Variants in TJP1 observed in about 807,000 individuals in gnomAD.
TJP1 encodes tight junction protein 1.
In TJP1, 43 loss-of-function variants were observed where a neutral mutation model predicts 194.2. That is an observed-to-expected ratio of 0.22 (90% confidence interval 0.17 to 0.29). The LOEUF (loss-of-function observed/expected upper bound fraction) is 0.29. Ranked by LOEUF, TJP1 falls within the 10% of genes least tolerant of loss-of-function variation. TJP1 has a pLI of 1.00. For missense variants in TJP1, 1,971 were observed against 2,185.7 expected, an observed-to-expected ratio of 0.90 and a Z score of 1.96; for synonymous variants, 801 against 779.0, an observed-to-expected ratio of 1.03 and a Z score of -0.47.
chr15:29,937,675 C>T (rs1457200013), intron 2 of TJP1, among the ~76,000 whole-genome samples: 5 of 152,136 alleles, frequency 3.3e-5, no homozygotes, highest in East Asian at 1.9e-4. Flanking sequence ...CATGCAGAGT[C>T]GTACTTCACA....
intron 1 of TJP1, among the ~76,000 whole-genome samples, chr15:29,967,500 G>T (rs2056373885): frequency 6.6e-6 from 1 of 152,160 alleles, no homozygotes; most frequent in Non-Finnish European, 1.5e-5. Context: ...CCCCATGAGG[G>T]AGATAACAAG....
intron 10 of TJP1, among the ~76,000 whole-genome samples, chr15:29,740,868 T>C (rs1305252130): frequency 4.6e-5 from 7 of 152,070 alleles, no homozygotes; most frequent in Non-Finnish European, 1.0e-4. Flanking sequence ...ATAATTCTAA[T>C]TGTCACAACT....
chr15:29,926,071 C>G (rs1018960073), intron 2 of TJP1, among the ~76,000 whole-genome samples: 8 of 152,146 alleles, frequency 5.3e-5, no homozygotes, highest in African/African-American at 1.7e-4. Context: ...ACCCACACTC[C>G]CCCCAGTGGA....
intron 2 of TJP1, among the ~76,000 whole-genome samples, chr15:29,946,723 T>A (rs1386846373): frequency 6.6e-6 from 1 of 152,192 alleles, no homozygotes; most frequent in Non-Finnish European, 1.5e-5. Flanking sequence ...CTTAATCATA[T>A]CTATTCATTC....
chr15:29,700,015 A>G (rs117015824), downstream of TJP1: 187 of 325,220 alleles, frequency 5.7e-4, 1 homozygote, highest in East Asian at 7.1e-3. Context: ...GGCCAAGGGG[A>G]GAAATTCTGC....
At chr15:29,712,509 A>G (rs1356271068) in intron 23 of TJP1, among the ~76,000 whole-genome samples, 2 of 152,242 alleles carry the variant, frequency 1.3e-5, no homozygotes, top group Non-Finnish European at 2.9e-5. Context: ...TCATTTAAAA[A>G]TATCAACCAA....
At chr15:29,870,439 C>A (rs902070802) in intron 2 of TJP1, among the ~76,000 whole-genome samples, 1 of 152,096 alleles carries the variant, frequency 6.6e-6, no homozygotes, top group Non-Finnish European at 1.5e-5. Context: ...CCGGAGCAGA[C>A]AATAATGAAT....
At chr15:29,892,684 G>A (rs866212661) in intron 2 of TJP1, among the ~76,000 whole-genome samples, 13 of 152,144 alleles carry the variant, frequency 8.5e-5, no homozygotes, top group Admixed American at 4.6e-4. Flanking sequence ...CAACAAAGTC[G>A]GGATAGCAGC....
chr15:29,712,426 G>A (rs777246272), intron 23 of TJP1, among the ~76,000 whole-genome samples: 2 of 152,116 alleles, frequency 1.3e-5, no homozygotes, highest in Admixed American at 6.6e-5. Context: ...TGATGGCAAA[G>A]CAAGCGCAAT....
intron 1 of TJP1, among the ~76,000 whole-genome samples, chr15:29,804,689 C>T (rs1051965129): frequency 2.6e-5 from 4 of 152,096 alleles, no homozygotes; most frequent in African/African-American, 9.7e-5. Flanking sequence ...TGTAAACTTG[C>T]TTGTCATTTT....
chr15:29,830,292 G>T (rs2050796684), intron 2 of TJP1, among the ~76,000 whole-genome samples: 3 of 150,832 alleles, frequency 2.0e-5, no homozygotes. Context: ...CATCTAATAT[G>T]TAATTACACA....
chr15:29,769,130 T>G (rs2046499057), intron 4 of TJP1, among the ~76,000 whole-genome samples: 1 of 152,168 alleles, frequency 6.6e-6, no homozygotes, highest in South Asian at 2.1e-4. Flanking sequence ...GAGGTATGTA[T>G]GACAAAAGGC....
chr15:29,754,210 T>C (rs2045493499), intron 8 of TJP1, among the ~76,000 whole-genome samples: 1 of 152,162 alleles, frequency 6.6e-6, no homozygotes, highest in Non-Finnish European at 1.5e-5. Flanking sequence ...AAAAAGAACA[T>C]GTCTTTTGCC....
chr15:29,739,620 A>G lies in TJP1; in HGVS notation c.1256+1711T>C, dbSNP rs377029770. 2.2e-4 allele frequency among the ~76,000 whole-genome samples: 34 copies of G among 151,650 alleles called. No individual in the cohort carries two copies. In the South Asian group the frequency reaches 3.1e-3, roughly 14 times the overall value. On this transcript the variant is annotated intron_variant, in intron 10 of 27. Transcript: ENST00000614355. ...CACCACGCCCGGCTAATTTTTTTGT[A>G]TTTTTAGTAGAGACGGGGTTTCGCC...
chr15:29,854,534 G>A lies in TJP1; in HGVS notation c.307-53832C>T, dbSNP rs188169197. Among the ~76,000 whole-genome samples the A allele has an allele frequency of 2.1e-4, 32 of 152,272 alleles. No individual in the cohort carries two copies. In the East Asian group the frequency reaches 3.9e-3, roughly 18 times the overall value. On this transcript the variant is annotated intron_variant, in intron 2 of 28. Transcript: ENST00000356107. Reference sequence around the variant, plus strand: ...TGACCACACGTCCAGGAATGCCAGGGCATCACCAGAAGCTGGGAGAGACAA... The same window carrying A: ...TGACCACACGTCCAGGAATGCCAGGACATCACCAGAAGCTGGGAGAGACAA...
intron 1 of TJP1, among the ~76,000 whole-genome samples, chr15:29,961,372 C>T (rs1181964486): frequency 6.3e-5 from 7 of 111,246 alleles, no homozygotes; most frequent in African/African-American, 1.7e-4. Context: ...GACGGAGTCT[C>T]GCTCTGTCGC....
chr15:29,765,566 C>T (rs2046281024), intron 5 of TJP1, among the ~76,000 whole-genome samples: 1 of 151,948 alleles, frequency 6.6e-6, no homozygotes. Flanking sequence ...TTAAATTCCT[C>T]CATTTAAAAA....
At chr15:29,932,310 AAG>A (rs1353156227) in intron 2 of TJP1, among the ~76,000 whole-genome samples, 2 of 152,204 alleles carry the variant, frequency 1.3e-5, no homozygotes, top group African/African-American at 4.8e-5. Flanking sequence ...AAGGGAAAAT[AAG>A]AGAGAAACAA....
At chr15:29,871,622 C>T (rs759075715) in intron 2 of TJP1, among the ~76,000 whole-genome samples, 1 of 152,204 alleles carries the variant, frequency 6.6e-6, no homozygotes, top group Non-Finnish European at 1.5e-5. Flanking sequence ...CCAGCTGGCC[C>T]GGCCACCCAG....
Sources: allele counts gnomAD v4.1 joint callset (sites outside exome capture counted in the v4.1 genomes callset), GRCh38; gene constraint gnomAD v4.1.1; transcripts MANE v1.5; gene names NCBI Gene and HGNC (gene_info 2026-07-23, HGNC 2026-07-21).